PTPRN2: variants seen among roughly 807,000 people sequenced by gnomAD.
PTPRN2 encodes the protein receptor-type tyrosine-protein phosphatase N2.
A neutral mutation model predicts 118.8 loss-of-function variants in PTPRN2; 74 were observed. The ratio of observed to expected loss-of-function variants is 0.62; its 90% CI spans 0.52 to 0.76. PTPRN2 has a LOEUF of 0.76. Among genes scored for constraint, PTPRN2 ranks in the 30% least tolerant of loss-of-function variants. The pLI is 0.00. For missense variants in PTPRN2, 1,481 were observed against 1,394.4 expected (o/e 1.06, Z -0.99); for synonymous variants, 641 against 608.0 (o/e 1.05, Z -0.80).
chr7:157,687,358 CT>C (rs1332079392), intron 12 of PTPRN2, among the ~76,000 whole-genome samples: 5 of 152,128 alleles, frequency 3.3e-5, no homozygotes, highest in Non-Finnish European at 7.3e-5. Flanking sequence ...AGATTTAGTC[CT>C]TTTCCAAGGT....
chr7:158,507,122 T>C (rs1041863180), intron 1 of PTPRN2, among the ~76,000 whole-genome samples: 1 of 152,178 alleles, frequency 6.6e-6, no homozygotes, highest in Non-Finnish European at 1.5e-5. Context: ...AGAACAGGCA[T>C]CCATGAGGAT....
chr7:158,121,136 C>A (rs1030104147), intron 9 of PTPRN2, among the ~76,000 whole-genome samples: 3 of 152,116 alleles, frequency 2.0e-5, no homozygotes, highest in Non-Finnish European at 4.4e-5. Flanking sequence ...GGTGACTGCT[C>A]CAAAGGGCCA....
intron 2 of PTPRN2, among the ~76,000 whole-genome samples, chr7:158,442,531 T>A (rs896066072): frequency 6.6e-6 from 1 of 151,958 alleles, no homozygotes; most frequent in Non-Finnish European, 1.5e-5. Context: ...CATTCAGGAG[T>A]AAGAGATTTG....
At chr7:157,572,299 G>A (rs921584034) in intron 19 of PTPRN2, among the ~76,000 whole-genome samples, 1 of 152,104 alleles carries the variant, frequency 6.6e-6, no homozygotes, top group Non-Finnish European at 1.5e-5. Context: ...CGGAACCTCG[G>A]GTTATTGGAA....
At chr7:158,495,160 C>T (rs1306567002) in intron 1 of PTPRN2, among the ~76,000 whole-genome samples, 1 of 152,168 alleles carries the variant, frequency 6.6e-6, no homozygotes, top group Non-Finnish European at 1.5e-5. Context: ...TGCCAGAGCC[C>T]ATCCCAGATG....
At chr7:158,432,433 C>T (rs1196764008) in intron 2 of PTPRN2, among the ~76,000 whole-genome samples, 1 of 152,184 alleles carries the variant, frequency 6.6e-6, no homozygotes, top group Non-Finnish European at 1.5e-5. Flanking sequence ...ACCTCTGTGT[C>T]GTCTTGGAAC....
rs1170193530 is a variant in PTPRN2, at chr7:158,262,934, GCACA to G, written c.277+53881_277+53884del. Among the ~76,000 whole-genome samples, 543 of 124,506 alleles carry G rather than the reference GCACA, an allele frequency of 4.4e-3. 1 individual carries two copies. Among genetic ancestry groups the G allele is most frequent in the African/African-American group, 0.018 (503 of 28,694 alleles). The allele number at this position is 124,506 out of a possible 152,430, so 81.7% of individuals were successfully genotyped here. ...CACACTGCACACACATTCACACACT[GCACA>G]CACACATTCACACACATACACACAT... On this transcript the variant is annotated intron_variant, in intron 3 of 22. Transcript: ENST00000389418.
At chr7:157,593,239 C>T (rs1422362900) in intron 17 of PTPRN2, among the ~76,000 whole-genome samples, 5 of 149,890 alleles carry the variant, frequency 3.3e-5, no homozygotes, top group Non-Finnish European at 7.4e-5. Context: ...TGGATGTGGG[C>T]ATCATCATGG....
At chr7:157,802,733 A>G (rs1805392416) in intron 12 of PTPRN2, among the ~76,000 whole-genome samples, 1 of 152,094 alleles carries the variant, frequency 6.6e-6, no homozygotes, top group African/African-American at 2.4e-5. Flanking sequence ...CCTCACCAAC[A>G]CACGTCTTTT....
intron 22 of PTPRN2, among the ~76,000 whole-genome samples, chr7:157,548,359 C>G (rs1051850558): frequency 6.6e-6 from 1 of 152,148 alleles, no homozygotes; most frequent in Admixed American, 6.5e-5. Context: ...AACCAAGGAG[C>G]AGAGAGGCCA....
At chr7:157,896,656 T>C (rs887177774) in intron 12 of PTPRN2, among the ~76,000 whole-genome samples, 2 of 151,038 alleles carry the variant, frequency 1.3e-5, no homozygotes, top group Non-Finnish European at 2.9e-5. Context: ...GGAGCTCCGT[T>C]GTGAGTGGGC....
intron 3 of PTPRN2, among the ~76,000 whole-genome samples, chr7:158,249,276 ACAC>A (rs1428640500): frequency 6.6e-6 from 1 of 151,882 alleles, no homozygotes; most frequent in Non-Finnish European, 1.5e-5. Flanking sequence ...ACACACATGC[ACAC>A]CATACACACA....
chr7:158,447,969 C>T (rs981256453), intron 2 of PTPRN2, among the ~76,000 whole-genome samples: 4 of 152,256 alleles, frequency 2.6e-5, no homozygotes, highest in East Asian at 1.9e-4. Flanking sequence ...GCCCTCAGCC[C>T]GGCATCATCG....
intron 12 of PTPRN2, among the ~76,000 whole-genome samples, chr7:157,810,747 C>G (rs1041439093): frequency 7.4e-6 from 1 of 134,890 alleles, no homozygotes; most frequent in Non-Finnish European, 1.6e-5. Flanking sequence ...TGGCTCTCCA[C>G]GGGGACGGCG....
At chr7:158,365,271 G>A (rs976695102) in intron 2 of PTPRN2, among the ~76,000 whole-genome samples, 1 of 152,208 alleles carries the variant, frequency 6.6e-6, no homozygotes, top group African/African-American at 2.4e-5. Context: ...ATTTCTCAGG[G>A]CTCCGGAGGC....
At chr7:157,815,622 T>A (rs1010139454) in intron 12 of PTPRN2, among the ~76,000 whole-genome samples, 1 of 152,154 alleles carries the variant, frequency 6.6e-6, no homozygotes, top group Non-Finnish European at 1.5e-5. Context: ...GTTGCTGGCA[T>A]CCTTTTAAAG....
At chr7:157,757,590 G>A (rs189461312) in intron 12 of PTPRN2, among the ~76,000 whole-genome samples, 1 of 151,732 alleles carries the variant, frequency 6.6e-6, no homozygotes, top group Non-Finnish European at 1.5e-5. Context: ...CAGTTAGCGG[G>A]CTATGAGGAT....
At chr7:157,709,359 C>T (rs1440742489) in intron 12 of PTPRN2, among the ~76,000 whole-genome samples, 1 of 152,190 alleles carries the variant, frequency 6.6e-6, no homozygotes. Flanking sequence ...GATTTTGACC[C>T]CTGACAATTC....
At chr7:157,840,875 G>T (rs1023300970) in intron 12 of PTPRN2, among the ~76,000 whole-genome samples, 3 of 152,252 alleles carry the variant, frequency 2.0e-5, no homozygotes, top group Non-Finnish European at 4.4e-5. Context: ...TCTTGGAGAG[G>T]TGAGGGGCTG....
Sources: gnomAD v4.1 joint callset for allele counts (sites outside exome capture counted in the v4.1 genomes callset) on GRCh38, gnomAD v4.1.1 for gene constraint, MANE v1.5 for transcripts, NCBI Gene and HGNC (gene_info 2026-07-23, HGNC 2026-07-21) for gene names.